The following TRPC5 variants were observed in gnomAD, a reference collection of about 807,000 sequenced individuals.
TRPC5 encodes short transient receptor potential channel 5.
A neutral mutation model predicts 56.5 loss-of-function variants in TRPC5; 9 were observed. The ratio of observed to expected loss-of-function variants is 0.16; its 90% confidence interval spans 0.10 to 0.28. The LOEUF (loss-of-function observed/expected upper bound fraction) is 0.28, where lower values mean the gene tolerates loss of function less well. Ranked by LOEUF, TRPC5 falls within the 10% of genes least tolerant of loss-of-function variation. The probability of loss-of-function intolerance (pLI) is 1.00; values close to 1 mark genes in which losing one functional copy is unlikely to be tolerated. For missense variants in TRPC5, 469 were observed against 748.9 expected (o/e 0.63, Z 4.36); for synonymous variants, 282 against 278.5 (o/e 1.01, Z -0.13).
At chrX:111,993,423 G>T (rs1221099673) in intron 1 of TRPC5, among the ~76,000 whole-genome samples, 1 of 111,963 alleles carries the variant, frequency 8.9e-6, no homozygotes, top group East Asian at 2.8e-4. Flanking sequence ...ACCCAGTAAT[G>T]GGATCACTGG....
At chrX:111,867,877 T>G (rs774834176) in intron 3 of TRPC5, among the ~76,000 whole-genome samples, 5 of 112,411 alleles carry the variant, frequency 4.4e-5, no homozygotes, top group Admixed American at 1.9e-4. Flanking sequence ...TGTCCTTAAA[T>G]TATTTCTCTA....
chrX:112,080,453 C>T (rs1199972496), intron 1 of TRPC5, among the ~76,000 whole-genome samples: 1 of 108,996 alleles, frequency 9.2e-6, no homozygotes, highest in African/African-American at 3.3e-5. Context: ...TTTTCTCTCT[C>T]TCCCTATGTA....
intron 1 of TRPC5, among the ~76,000 whole-genome samples, chrX:111,956,372 T>A (rs1452361190): frequency 8.9e-6 from 1 of 112,024 alleles, no homozygotes; most frequent in Non-Finnish European, 1.9e-5. Context: ...AGGGCCTTTC[T>A]AAGGCAAGTA....
intron 7 of TRPC5, among the ~76,000 whole-genome samples, chrX:111,785,494 A>T (rs988665365): frequency 2.8e-5 from 3 of 107,515 alleles, no homozygotes; most frequent in Non-Finnish European, 5.6e-5. Context: ...TAAAAATCAG[A>T]GCGCCTCTTC....
chrX:112,027,657 T>C (rs1296129779), intron 1 of TRPC5, among the ~76,000 whole-genome samples: 3 of 110,696 alleles, frequency 2.7e-5, no homozygotes, highest in East Asian at 2.9e-4. Flanking sequence ...CCACCACGCC[T>C]GGCTAATTTT....
intron 7 of TRPC5, among the ~76,000 whole-genome samples, chrX:111,803,618 T>C (rs1921393674): frequency 8.9e-6 from 1 of 112,780 alleles, no homozygotes; most frequent in African/African-American, 3.2e-5. Flanking sequence ...GAGCATTTTT[T>C]CATGTGTCTT....
chrX:111,878,543 C>T (rs965347445), intron 3 of TRPC5, among the ~76,000 whole-genome samples: 6 of 111,662 alleles, frequency 5.4e-5, no homozygotes, highest in African/African-American at 2.0e-4. Flanking sequence ...GCTTTGGGAG[C>T]TGTATAATTC....
chrX:112,005,473 AAAAAAAAAAT>A (rs1458714121), intron 1 of TRPC5, among the ~76,000 whole-genome samples: 1 of 108,607 alleles, frequency 9.2e-6, no homozygotes, highest in African/African-American at 3.4e-5. Flanking sequence ...TAAAAAAAAA[AAAAAAAAAAT>A]ATCTTACCAA....
intron 1 of TRPC5, among the ~76,000 whole-genome samples, chrX:111,967,533 G>A (rs141745584): frequency 0.014 from 1,591 of 111,887 alleles, 14 homozygotes; most frequent in Non-Finnish European, 0.022. Flanking sequence ...TCAATCCTAA[G>A]CCAAAAGAAC....
Position 112,072,804 on chromosome X carries a change from A to ATC in TRPC5, c.-22+9073_-22+9074dup, listed in dbSNP as rs752223814. On this transcript the variant is annotated intron_variant, in intron 1 of 10. Coordinates refer to ENST00000262839, the MANE Select transcript of TRPC5 (RefSeq NM_012471.3). ...ATCTTCCTTCACTCTTGTCAGATCG[A>ATC]TCTCTCTCTCTCTCTTAAACTTGGT... Among the ~76,000 whole-genome samples the ATC allele has an allele frequency of 5.3e-3, 580 of 109,459 alleles. 5 individuals carry two copies. The highest frequency in any genetic ancestry group is 0.018 in the African/African-American group (551 of 30,147).
At chrX:111,982,608 C>T (rs1027871482) in intron 1 of TRPC5, among the ~76,000 whole-genome samples, 17 of 111,759 alleles carry the variant, frequency 1.5e-4, no homozygotes, top group African/African-American at 5.2e-4. Flanking sequence ...CAGGCTCAAT[C>T]ACACCAGCCA....
At chrX:111,798,655 AT>A (rs1425679141) in intron 7 of TRPC5, among the ~76,000 whole-genome samples, 2 of 111,770 alleles carry the variant, frequency 1.8e-5, no homozygotes, top group African/African-American at 6.5e-5. Context: ...CATTGTAAAA[AT>A]AAAAAAAAAA....
rs3027701 is a variant in TRPC5, at chrX:111,854,620, C to T, written c.901-514G>A. 2.4e-3 allele frequency among the ~76,000 whole-genome samples: 268 copies of T among 112,127 alleles called. 1 individual carries two copies. The highest frequency in any genetic ancestry group is 8.5e-3 in the African/African-American group (263 of 30,833). Reference sequence around the variant, plus strand: ...ATTTCATTTCAAATTGATTCACATCCGCTCATTCCCTTAGTCTACGTGAGG... The same window carrying T: ...ATTTCATTTCAAATTGATTCACATCTGCTCATTCCCTTAGTCTACGTGAGG... On this transcript the variant is annotated intron_variant, in intron 3 of 10. Coordinates refer to ENST00000262839, the MANE Select transcript of TRPC5 (RefSeq NM_012471.3).
chrX:111,844,719 C>T (rs962516733), intron 6 of TRPC5, among the ~76,000 whole-genome samples: 2 of 109,611 alleles, frequency 1.8e-5, no homozygotes, highest in East Asian at 5.8e-4. Context: ...CCCACCTTGG[C>T]CTCCCAAAGT....
chrX:111,944,316 G>A (rs1318533534), intron 2 of TRPC5, among the ~76,000 whole-genome samples: 2 of 104,534 alleles, frequency 1.9e-5, no homozygotes, highest in African/African-American at 7.1e-5. Flanking sequence ...GAGAGAGAGA[G>A]AGAGAGAGAG....
At chrX:111,901,931 T>A in intron 3 of TRPC5, 3 of 1,154,953 alleles carry the variant, frequency 2.6e-6, no homozygotes, top group Non-Finnish European at 3.4e-6. Context: ...TGATGAGCTT[T>A]TACAATTCAT....
intron 1 of TRPC5, among the ~76,000 whole-genome samples, chrX:111,964,971 A>G (rs1258865344): frequency 8.9e-5 from 10 of 112,007 alleles, no homozygotes; most frequent in African/African-American, 2.9e-4. Flanking sequence ...TTCACACATA[A>G]CAATATTAAC....
At position 111,891,838 on chromosome X, in the gene TRPC5, C is replaced by T. The variant is rs186540398; in HGVS notation, c.900+20453G>A. ...CTGGGATTACAGGAGTGAGCCACCG[C>T]GCTTGGCCGCTACACAGGATTATTA... is the stretch of plus-strand genomic sequence containing the variant. On this transcript the variant is annotated intron_variant, in intron 3 of 10. Coordinates refer to ENST00000262839, the MANE Select transcript of TRPC5 (RefSeq NM_012471.3). Among the ~76,000 whole-genome samples, 1,070 of 111,540 alleles carry T rather than the reference C, an allele frequency of 9.6e-3. 10 individuals carry two copies. The highest frequency in any genetic ancestry group is 0.014 in the Non-Finnish European group (758 of 53,107).
At chrX:112,038,851 T>TTA (rs1291765788) in intron 1 of TRPC5, among the ~76,000 whole-genome samples, 6 of 106,206 alleles carry the variant, frequency 5.6e-5, no homozygotes, top group Admixed American at 2.0e-4. Context: ...CCGGCTATTT[T>TTA]TTTTTTTTTT....
Sources: gnomAD v4.1 joint callset for allele counts (sites outside exome capture counted in the v4.1 genomes callset) on GRCh38, gnomAD v4.1.1 for gene constraint, MANE v1.5 for transcripts, NCBI Gene and HGNC (gene_info 2026-07-23, HGNC 2026-07-21) for gene names.